EXOC4: variants seen among roughly 807,000 people sequenced by gnomAD.
EXOC4 encodes the protein SEC8-like 1.
Under a neutral mutation model 107.2 loss-of-function variants are expected in EXOC4, and 71 were observed. That is an observed-to-expected ratio of 0.66 (90% CI 0.55 to 0.81). EXOC4 has a LOEUF of 0.81. Among genes scored for constraint, EXOC4 ranks in the 30% least tolerant of loss-of-function variants. The pLI, the probability that EXOC4 is intolerant of heterozygous loss-of-function variation, is 0.00. For missense variants in EXOC4, 1,108 were observed against 1,189.6 expected (o/e 0.93, Z 1.01); for synonymous variants, 456 against 441.2 (o/e 1.03, Z -0.42).
chr7:133,379,242 G>A (rs1796560582), intron 7 of EXOC4, among the ~76,000 whole-genome samples: 1 of 151,972 alleles, frequency 6.6e-6, no homozygotes, highest in South Asian at 2.1e-4. Flanking sequence ...GTTCTATATA[G>A]CAGTATTTTT....
intron 10 of EXOC4, among the ~76,000 whole-genome samples, chr7:133,713,394 C>G (rs1486123411): frequency 6.6e-6 from 1 of 151,960 alleles, no homozygotes; most frequent in Non-Finnish European, 1.5e-5. Context: ...AGTTACATAA[C>G]AGTCATTAAT....
intron 10 of EXOC4, among the ~76,000 whole-genome samples, chr7:133,657,797 C>T (rs1016464413): frequency 4.6e-5 from 7 of 152,124 alleles, no homozygotes; most frequent in African/African-American, 1.7e-4. Context: ...TACTGTGGGT[C>T]CTTGGACTTT....
Position 133,895,712 on chromosome 7 carries a change from G to A in EXOC4, c.1848G>A (p.Lys616=). ...TGTGCGTGAAGCTCCAGGAGTACAAGGACACCTGCACTGCAGCTTACAGGT... is the reference window on the plus strand; with the variant it reads ...TGTGCGTGAAGCTCCAGGAGTACAAAGACACCTGCACTGCAGCTTACAGGT... ...NMVCVKLQEY[K]DTCTAAYRGI... Residue 616 remains lysine (K), a synonymous_variant, in exon 12 of 18, where the codon AAG becomes AAA. Coordinates refer to ENST00000253861, the MANE Select transcript of EXOC4 (RefSeq NM_021807.4). 3 of 1,614,128 alleles carry A rather than the reference G, an allele frequency of 1.9e-6. No individual in the cohort carries two copies. The highest frequency in any genetic ancestry group is 1.6e-4 in the Middle Eastern group (1 of 6,062).
intron 5 of EXOC4, among the ~76,000 whole-genome samples, chr7:133,325,083 C>G (rs1397968833): frequency 6.6e-6 from 1 of 152,102 alleles, no homozygotes; most frequent in South Asian, 2.1e-4. Flanking sequence ...CTCCATCCCT[C>G]TATTTTGAGC....
Position 133,728,322 on chromosome 7 carries a change from G to A in EXOC4, c.1515-89003G>A, listed in dbSNP as rs560313348. On this transcript the variant is annotated intron_variant, in intron 10 of 17. Coordinates refer to ENST00000253861, the MANE Select transcript of EXOC4 (RefSeq NM_021807.4). The stretch of plus-strand genomic sequence containing the variant: ...TATTTGCTAGGGAGCCATCTTGAAA[G>A]GATTATTTCTGTGACACTATGTACT... Among the ~76,000 whole-genome samples the A allele has an allele frequency of 2.0e-4, 31 of 152,288 alleles. No individual in the cohort carries two copies. The South Asian group carries it at 6.0e-3, about 30-fold the overall frequency.
intron 7 of EXOC4, among the ~76,000 whole-genome samples, chr7:133,407,760 A>G (rs1258448954): frequency 6.6e-6 from 1 of 152,208 alleles, no homozygotes; most frequent in African/African-American, 2.4e-5. Context: ...ATGCAAAAAC[A>G]TTTAAAATCA....
At chr7:133,952,727 T>C (rs1800721733) in intron 14 of EXOC4, among the ~76,000 whole-genome samples, 1 of 152,198 alleles carries the variant, frequency 6.6e-6, no homozygotes, top group Non-Finnish European at 1.5e-5. Flanking sequence ...GTGGCCCATA[T>C]AAGTGGAATC....
intron 9 of EXOC4, among the ~76,000 whole-genome samples, chr7:133,501,920 CTG>C (rs1799582923): frequency 6.6e-6 from 1 of 152,144 alleles, no homozygotes; most frequent in Non-Finnish European, 1.5e-5. Context: ...ATTAGCTGCA[CTG>C]TCTCTTCAAA....
At chr7:133,451,259 G>A (rs1253499041) in intron 7 of EXOC4, among the ~76,000 whole-genome samples, 10 of 150,806 alleles carry the variant, frequency 6.6e-5, no homozygotes. Context: ...ATAGATATTT[G>A]AGTGGGTACG....
intron 7 of EXOC4, among the ~76,000 whole-genome samples, chr7:133,433,357 GC>G (rs1375723051): frequency 3.3e-5 from 5 of 152,120 alleles, no homozygotes; most frequent in African/African-American, 1.2e-4. Flanking sequence ...TAGCAAATAT[GC>G]CACTAGCAAA....
At chr7:133,529,228 T>G (rs1800135332) in intron 9 of EXOC4, among the ~76,000 whole-genome samples, 1 of 152,206 alleles carries the variant, frequency 6.6e-6, no homozygotes, top group African/African-American at 2.4e-5. Flanking sequence ...TTATTATGTT[T>G]ATGGTGTGTG....
intron 10 of EXOC4, among the ~76,000 whole-genome samples, chr7:133,791,187 C>T (rs1412904784): frequency 6.6e-6 from 1 of 152,208 alleles, no homozygotes; most frequent in African/African-American, 2.4e-5. Flanking sequence ...TCTCATTCAG[C>T]AGCTGCCTGT....
intron 9 of EXOC4, among the ~76,000 whole-genome samples, chr7:133,584,563 T>C (rs972186562): frequency 5.4e-5 from 8 of 148,124 alleles, no homozygotes; most frequent in African/African-American, 1.5e-4. Flanking sequence ...CTTTGTTTTT[T>C]ACGTATTTCA....
intron 10 of EXOC4, among the ~76,000 whole-genome samples, chr7:133,633,688 A>G (rs1802642092): frequency 4.3e-5 from 1 of 23,124 alleles, no homozygotes; most frequent in Admixed American, 6.6e-4. Context: ...ACTGCACTCA[A>G]GCCTGGGCAA....
intron 11 of EXOC4, among the ~76,000 whole-genome samples, chr7:133,829,275 C>T (rs1797762321): frequency 6.6e-6 from 1 of 152,156 alleles, no homozygotes; most frequent in African/African-American, 2.4e-5. Context: ...CACCAGTTTA[C>T]TTTTGAAGTG....
At chr7:133,826,740 T>C (rs1188868793) in intron 11 of EXOC4, among the ~76,000 whole-genome samples, 2 of 152,294 alleles carry the variant, frequency 1.3e-5, no homozygotes, top group East Asian at 3.9e-4. Context: ...CTCACTGATA[T>C]TTACTGGTTT....
chr7:133,474,637 C>T (rs546098882), intron 7 of EXOC4, among the ~76,000 whole-genome samples: 4 of 152,184 alleles, frequency 2.6e-5, no homozygotes, highest in Admixed American at 2.6e-4. Context: ...TAAAAAGCAG[C>T]TGCTTTTCTT....
chr7:133,549,279 A>G (rs988729987), intron 9 of EXOC4, among the ~76,000 whole-genome samples: 2 of 152,154 alleles, frequency 1.3e-5, no homozygotes, highest in Admixed American at 1.3e-4. Flanking sequence ...GGCATGAGCA[A>G]CCACGCCCGT....
intron 5 of EXOC4, among the ~76,000 whole-genome samples, chr7:133,328,984 G>A (rs185093680): frequency 2.8e-4 from 43 of 152,272 alleles, no homozygotes; most frequent in African/African-American, 9.6e-4. Context: ...GGTTGGGGAA[G>A]TTCTCCTGGA....
Sources: gnomAD v4.1 joint callset for allele counts (sites outside exome capture counted in the v4.1 genomes callset) on GRCh38, gnomAD v4.1.1 for gene constraint, MANE v1.5 for transcripts, NCBI Gene and HGNC (gene_info 2026-07-23, HGNC 2026-07-21) for gene names.